Variants in CSAD observed in about 807,000 individuals in gnomAD.
CSAD encodes the protein cysteine sulfinic acid decarboxylase.
Under a neutral mutation model 61.5 loss-of-function variants are expected in CSAD, and 47 were observed. That is an observed-to-expected ratio of 0.76 (90% CI 0.60 to 0.97). CSAD has a LOEUF of 0.97. CSAD is among the 50% of genes least tolerant of loss of function. CSAD has a pLI of 0.00. For missense variants in CSAD, 611 were observed against 643.6 expected, an observed-to-expected ratio of 0.95 and a Z score of 0.55; for synonymous variants, 245 against 252.7, an observed-to-expected ratio of 0.97 and a Z score of 0.29.
At chr12:53,181,074 C>T (rs1342353427), upstream of CSAD, among the ~76,000 whole-genome samples, 1 of 152,086 alleles carries the variant, frequency 6.6e-6, no homozygotes, top group African/African-American at 2.4e-5. Context: ...GACGCGGGCG[C>T]GAGCACGCAT....
rs1473891808 is a variant in CSAD, at chr12:53,160,852, G to T, written c.885-8C>A. The T allele has an allele frequency of 1.9e-6, 3 of 1,551,496 alleles. No homozygotes were observed. The highest frequency in any genetic ancestry group is 8.7e-7 in the Non-Finnish European group (1 of 1,146,766). ...CAGGCCACAGAGTCAGCCCTGGATG[G>T]GGTGGAGCAAAGGCAGGTCAGTGGC... On this transcript the variant is annotated splice_region_variant and splice_polypyrimidine_tract_variant and intron_variant, in intron 12 of 16. Coordinates refer to ENST00000444623, the MANE Select transcript of CSAD (RefSeq NM_001244705.2).
Position 53,171,882 on chromosome 12 carries a change from C to T in CSAD, c.451G>A (p.Gly151Ser), listed in dbSNP as rs755782024. The T allele has an allele frequency of 9.3e-6, 15 of 1,607,026 alleles. No individual in the cohort carries two copies. In the East Asian group the frequency reaches 2.9e-4, roughly 31 times the overall value. Residue 151 changes from glycine to serine, a missense_variant and splice_region_variant, in exon 7 of 17, where the codon GGT (glycine) becomes AGT (serine). Transcript: ENST00000444623. ...AAAGGTCCTCCTCCTTCTCACAAAC[C>T]AGGGCAGAAGATTCCGTCCCCAGAG... ...WSSGDGIFCPGGSISNMYAVN... is the reference protein window; with the variant it reads ...WSSGDGIFCPSGSISNMYAVN...
At chr12:53,177,182 G>A (rs928415474) in intron 2 of CSAD, among the ~76,000 whole-genome samples, 3 of 152,034 alleles carry the variant, frequency 2.0e-5, no homozygotes, top group African/African-American at 7.2e-5. Context: ...ATTGTCAATC[G>A]TTTCTCTTTG....
chr12:53,165,090 T>C lies in CSAD; in HGVS notation c.703-3701A>G, dbSNP rs1032241793. Among the ~76,000 whole-genome samples the C allele has an allele frequency of 2.0e-5, 3 of 151,708 alleles. No individual in the cohort carries two copies. In the South Asian group the frequency reaches 6.2e-4, roughly 32 times the overall value. ...TCCCAGTACTGTTGAGAGGCTGAGG[T>C]GGGAGAATGGCTTGAGCCTAGGAGT... On this transcript the variant is annotated intron_variant, in intron 10 of 16. Coordinates refer to ENST00000444623, the MANE Select transcript of CSAD (RefSeq NM_001244705.2).
chr12:53,164,416 A>G (rs969344582), intron 10 of CSAD: 1 of 221,242 alleles, frequency 4.5e-6, no homozygotes, highest in South Asian at 5.3e-5. Context: ...AAAGAATGAA[A>G]TCATGTCCTC....
intron 10 of CSAD, 146 bp from the exon 11 acceptor site, chr12:53,161,535 T>C (rs192748423): frequency 4.7e-6 from 3 of 638,032 alleles, no homozygotes; most frequent in Non-Finnish European, 8.4e-6. Flanking sequence ...CTTTTTAATG[T>C]GCAGCCAGGG....
At chr12:53,164,601 G>A (rs1467692048) in intron 10 of CSAD, 1 of 153,948 alleles carries the variant, frequency 6.5e-6, no homozygotes, top group Non-Finnish European at 1.5e-5. Context: ...GGGAGAAAAG[G>A]TTGAAAACAT....
intron 12 of CSAD, 106 bp downstream of exon 12, chr12:53,161,021 T>C: frequency 4.8e-6 from 6 of 1,237,166 alleles, no homozygotes; most frequent in Non-Finnish European, 5.8e-6. Flanking sequence ...CCAGTCCCCC[T>C]CCCCTCAGCC....
At chr12:53,160,524 C>T (rs139539136) in intron 13 of CSAD, among the ~76,000 whole-genome samples, 1 of 152,310 alleles carries the variant, frequency 6.6e-6, no homozygotes, top group East Asian at 1.9e-4. Context: ...CTGATGGCAA[C>T]CTCAAGCTAG....
At chr12:53,180,007 G>A in intron 1 of CSAD, 1 of 1,459,022 alleles carries the variant, frequency 6.9e-7, no homozygotes, top group Non-Finnish European at 9.0e-7. Context: ...TTTGATGCTG[G>A]ACGGCCTGGA....
Position 53,172,445 on chromosome 12 carries a change from G to A in CSAD, c.254-9C>T, listed in dbSNP as rs781136712. 1.1e-5 allele frequency: 18 copies of A among 1,614,014 alleles called. No individual in the cohort carries two copies. In the Admixed American group the frequency reaches 2.8e-4, roughly 25 times the overall value. ...GAAGAACCGAGGGTGACCTGGAGAA[G>A]GAGAGTAAGCCAGGGAGCTCAGAGT... On this transcript the variant is annotated splice_polypyrimidine_tract_variant and intron_variant, in intron 5 of 16. Transcript: ENST00000444623.
intron 8 of CSAD, 100 bp from the exon 9 acceptor site, chr12:53,170,602 C>T (rs1012640894): frequency 2.3e-6 from 2 of 882,786 alleles, no homozygotes; most frequent in African/African-American, 1.6e-5. Context: ...TCCTGTAGAC[C>T]AGGGCTTCTC....
rs997818010 is a variant in CSAD at position 53,180,525 on chromosome 12, C to G, written c.-91+207G>C. Reference sequence around the variant, plus strand: ...CACGGCGCACGCGCCGGCCTCAGCGCTCCCTCCTCCATGCCCTCGGCGCAC... The same window carrying G: ...CACGGCGCACGCGCCGGCCTCAGCGGTCCCTCCTCCATGCCCTCGGCGCAC... On this transcript the variant is annotated intron_variant, in intron 1 of 16. Coordinates refer to ENST00000444623, the MANE Select transcript of CSAD (RefSeq NM_001244705.2). The G allele has an allele frequency of 1.5e-5, 19 of 1,274,578 alleles. No homozygotes were observed. In the African/African-American group the frequency reaches 3.0e-4, roughly 20 times the overall value. 79.0% of individuals were successfully genotyped at this position (1,274,578 alleles called of 1,614,324 possible).
At chr12:53,176,745 A>AT (rs1941140149) in intron 2 of CSAD, among the ~76,000 whole-genome samples, 1 of 151,960 alleles carries the variant, frequency 6.6e-6, no homozygotes, top group African/African-American at 2.4e-5. Flanking sequence ...TTTATTTATT[A>AT]TTTTAGAGAA....
chr12:53,174,665 G>A (rs1290062486), intron 2 of CSAD, among the ~76,000 whole-genome samples: 5 of 151,912 alleles, frequency 3.3e-5, no homozygotes, highest in Non-Finnish European at 5.9e-5. Flanking sequence ...GTGGTGGCGG[G>A]TGCCTGTAAT....
intron 9 of CSAD, 103 bp downstream of exon 9, chr12:53,170,320 A>G: frequency 9.2e-7 from 1 of 1,092,642 alleles, no homozygotes; most frequent in Non-Finnish European, 1.4e-6. Context: ...GCGAGGGGAG[A>G]GAGGTCCACC....
chr12:53,179,835 C>T (rs1941428342), intron 1 of CSAD: 1 of 1,613,680 alleles, frequency 6.2e-7, no homozygotes, highest in South Asian at 1.1e-5. Context: ...CATTTGCAGT[C>T]CATCTTTAGC....
chr12:53,172,800 G>A (rs1015207781), intron 4 of CSAD, 152 bp from the exon 5 acceptor site: 1 of 896,508 alleles, frequency 1.1e-6, no homozygotes, highest in Non-Finnish European at 1.6e-6. Context: ...CAAGAGTAGT[G>A]AACACAGTAA....
At chr12:53,168,091 G>A (rs1163154193) in intron 10 of CSAD, among the ~76,000 whole-genome samples, 1 of 152,210 alleles carries the variant, frequency 6.6e-6, no homozygotes, top group East Asian at 1.9e-4. Context: ...GATGAACCTT[G>A]AAGACATTAT....
Sources: allele counts gnomAD v4.1 joint callset (sites outside exome capture counted in the v4.1 genomes callset), GRCh38; gene constraint gnomAD v4.1.1; transcripts MANE v1.5; gene names NCBI Gene and HGNC (gene_info 2026-07-23, HGNC 2026-07-21).